Variants in BNC2 observed in about 807,000 individuals in gnomAD.
BNC2 encodes the protein zinc finger protein basonuclin-2.
BNC2 carries 20 observed loss-of-function variants against 76.3 expected under a neutral mutation model. The observed-to-expected ratio is 0.26, with a 90% CI of 0.18 to 0.38. The LOEUF (loss-of-function observed/expected upper bound fraction) is 0.38, where lower values mean the gene tolerates loss of function less well. Among genes scored for constraint, BNC2 ranks in the 10% least tolerant of loss-of-function variants. The probability of loss-of-function intolerance (pLI) is 1.00; values close to 1 mark genes in which losing one functional copy is unlikely to be tolerated. For synonymous variants in BNC2, 582 were observed against 514.8 expected, an observed-to-expected ratio of 1.13 and a Z score of -1.77; for missense variants, 1,382 against 1,399.8, an observed-to-expected ratio of 0.99 and a Z score of 0.20.
chr9:16,480,130 T>A (rs1215585284), intron 5 of BNC2, among the ~76,000 whole-genome samples: 1 of 152,208 alleles, frequency 6.6e-6, no homozygotes, highest in East Asian at 1.9e-4. Flanking sequence ...TTTAATATTA[T>A]CATCTCCATT....
At chr9:16,518,729 T>C (rs1817519850) in intron 5 of BNC2, among the ~76,000 whole-genome samples, 1 of 152,006 alleles carries the variant, frequency 6.6e-6, no homozygotes, top group Non-Finnish European at 1.5e-5. Flanking sequence ...GCCTCCTGAG[T>C]AGCTGGGACT....
chr9:16,585,000 G>A (rs901185499), intron 3 of BNC2, among the ~76,000 whole-genome samples: 2 of 152,028 alleles, frequency 1.3e-5, no homozygotes, highest in African/African-American at 4.8e-5. Context: ...CCGAAATCAA[G>A]GGAGGGCCAA....
intron 6 of BNC2, among the ~76,000 whole-genome samples, chr9:16,424,419 C>T (rs1027991224): frequency 6.6e-6 from 1 of 152,080 alleles, no homozygotes; most frequent in African/African-American, 2.4e-5. Context: ...AAACAAAATA[C>T]TTAATAATTA....
chr9:16,846,088 C>T (rs1247148247), intron 1 of BNC2, among the ~76,000 whole-genome samples: 2 of 151,376 alleles, frequency 1.3e-5, no homozygotes, highest in Admixed American at 6.6e-5. Context: ...TGCACTGACC[C>T]CAGATCGCGC....
chr9:16,759,557 A>G (rs1825491850), intron 1 of BNC2, among the ~76,000 whole-genome samples: 2 of 152,200 alleles, frequency 1.3e-5, no homozygotes, highest in African/African-American at 2.4e-5. Flanking sequence ...AATACTAAAC[A>G]TAGCTTGAAA....
At chr9:16,854,312 C>G (rs1280209017) in intron 1 of BNC2, among the ~76,000 whole-genome samples, 1 of 152,166 alleles carries the variant, frequency 6.6e-6, no homozygotes, top group African/African-American at 2.4e-5. Context: ...GGGCATCACA[C>G]AATGTACAGA....
At chr9:16,526,467 CTTTTTT>C (rs144511624) in intron 5 of BNC2, among the ~76,000 whole-genome samples, 2 of 48,818 alleles carry the variant, frequency 4.1e-5, no homozygotes, top group African/African-American at 8.6e-5. Flanking sequence ...TAGTTTAATG[CTTTTTT>C]TTTTTTTTTT....
intron 3 of BNC2, chr9:16,685,476 C>G (rs1822947450): frequency 1.0e-6 from 1 of 1,002,240 alleles, no homozygotes; most frequent in African/African-American, 1.7e-5. Context: ...CTGATATACC[C>G]AAATGGCTTT....
intron 6 of BNC2, among the ~76,000 whole-genome samples, chr9:16,431,820 G>T (rs1358154120): frequency 1.3e-5 from 2 of 152,098 alleles, no homozygotes; most frequent in Non-Finnish European, 2.9e-5. Context: ...TAAGGAGTAC[G>T]CAGCCTAGAT....
Position 16,552,710 on chromosome 9 carries a change from C to T in BNC2, c.489G>A (p.Val163=). The change falls in exon 5 of 7, where the codon GTG becomes GTA. Residue 163 remains valine (V), a synonymous_variant. Coordinates refer to ENST00000380672, the MANE Select transcript of BNC2 (RefSeq NM_017637.6). ...TGATGTCAAACACGACGTTGGACTG[C>T]ACAATCTCCACTTGGGTGGGGTGGT... ...HLYHPTQVEI[V]QSNVVFDISS... 1.9e-6 allele frequency: 3 copies of T among 1,614,186 alleles called. No individual in the cohort carries two copies. The highest frequency in any genetic ancestry group is 2.2e-5 in the South Asian group (2 of 91,086).
intron 5 of BNC2, among the ~76,000 whole-genome samples, chr9:16,504,803 C>T (rs1822592040): frequency 1.3e-5 from 2 of 152,086 alleles, no homozygotes; most frequent in African/African-American, 4.8e-5. Context: ...GCCATGACCG[C>T]ACCTGTGAAC....
chr9:16,832,914 C>T (rs368308690), intron 1 of BNC2, among the ~76,000 whole-genome samples: 2 of 151,860 alleles, frequency 1.3e-5, no homozygotes, highest in Non-Finnish European at 2.9e-5. Flanking sequence ...TTAGTAGAGA[C>T]GAGGTTTCAC....
chr9:16,824,818 A>G (rs1818414538), intron 1 of BNC2, among the ~76,000 whole-genome samples: 1 of 152,194 alleles, frequency 6.6e-6, no homozygotes, highest in Non-Finnish European at 1.5e-5. Context: ...GAGAACCCAA[A>G]GCCACAGATA....
rs116807386 is a variant in BNC2, at chr9:16,543,216, T to C, written c.669+9314A>G. On this transcript the variant is annotated intron_variant, in intron 5 of 6. Coordinates refer to ENST00000380672, the MANE Select transcript of BNC2 (RefSeq NM_017637.6). ...TAAGCTCCACTATGAATTTAACATATTACTTCTCTTCATCCTGAAAGCTCC... is the reference window on the plus strand; with the variant it reads ...TAAGCTCCACTATGAATTTAACATACTACTTCTCTTCATCCTGAAAGCTCC... 2.9e-3 allele frequency among the ~76,000 whole-genome samples: 444 copies of C among 152,320 alleles called. 5 individuals are homozygous for C. The highest frequency in any genetic ancestry group is 0.01 in the African/African-American group (429 of 41,578).
intron 4 of BNC2, among the ~76,000 whole-genome samples, chr9:16,561,276 G>T (rs1819006087): frequency 6.6e-6 from 1 of 150,832 alleles, no homozygotes; most frequent in Non-Finnish European, 1.5e-5. Context: ...TTTGAAAATT[G>T]CCCCAGATGA....
intron 4 of BNC2, among the ~76,000 whole-genome samples, chr9:16,572,289 C>G (rs1294775365): frequency 6.6e-6 from 1 of 152,112 alleles, no homozygotes; most frequent in Non-Finnish European, 1.5e-5. Flanking sequence ...ATTTTGTTGT[C>G]TGAAGACAGA....
rs147183931 is a variant in BNC2 at position 16,685,804 on chromosome 9, A to G, written c.330+41993T>C. On this transcript the variant is annotated intron_variant, in intron 3 of 6. Transcript: ENST00000380672. ...AAATATATAGTGAATACCATGTAAC[A>G]AAGTTTATTAACTACCAGAAGGTAA... is the stretch of plus-strand genomic sequence containing the variant. 2.4e-4 allele frequency among the ~76,000 whole-genome samples: 37 copies of G among 152,362 alleles called. No homozygotes were observed. The South Asian group carries it at 4.1e-3, about 17-fold the overall frequency.
intron 6 of BNC2, among the ~76,000 whole-genome samples, chr9:16,433,501 C>G (rs1406179379): frequency 6.6e-6 from 1 of 152,052 alleles, no homozygotes; most frequent in African/African-American, 2.4e-5. Context: ...CGGGTCTAAA[C>G]GTATATATGG....
In BNC2 at chr9:16,435,471, G is replaced by C. The variant is rs1310718443; in HGVS notation, c.2639+84C>G. ...CAGTGCACCAAAAACATCTAAGTTG[G>C]ATTTCTTTTAGTGTGAAGTCCAACA... On this transcript the variant is annotated intron_variant, in intron 6 of 6. Transcript: ENST00000380672. 2.7e-6 allele frequency: 4 copies of C among 1,498,420 alleles called. No individual in the cohort carries two copies. The African/African-American group carries it at 5.5e-5, about 21-fold the overall frequency. 92.8% of individuals were successfully genotyped at this position (1,498,420 alleles called of 1,614,324 possible). A position where few individuals can be genotyped will look rare whatever the true frequency, so the allele number is the denominator to read the frequency against.
Sources: allele counts gnomAD v4.1 joint callset (sites outside exome capture counted in the v4.1 genomes callset), GRCh38; gene constraint gnomAD v4.1.1; transcripts MANE v1.5; gene names NCBI Gene and HGNC (gene_info 2026-07-23, HGNC 2026-07-21).